The following RAB18 variants were observed in gnomAD, a reference collection of about 807,000 sequenced individuals.
RAB18 encodes ras-related protein Rab-18.
RAB18 carries 10 observed loss-of-function variants against 28.5 expected under a neutral mutation model. The observed-to-expected ratio is 0.35, with a 90% confidence interval of 0.22 to 0.60. The LOEUF is 0.60. Among genes scored for constraint, RAB18 ranks in the 20% least tolerant of loss-of-function variants. RAB18 has a pLI of 0.78. For synonymous variants in RAB18, 93 were observed against 86.9 expected, an observed-to-expected ratio of 1.07 and a Z score of -0.39; for missense variants, 188 against 244.2, an observed-to-expected ratio of 0.77 and a Z score of 1.53.
chr10:27,508,443 A>AAC lies in RAB18; in HGVS notation c.69-1432_69-1431insAC, dbSNP rs55653119. ...TACAACTAGTCTACAAGGTAATCTT[A>AAC]TGTTTTTGTAGTAATATTTTCTGTG... On this transcript the variant is annotated intron_variant, in intron 1 of 6. Transcript: ENST00000356940. Among the ~76,000 whole-genome samples, 101 of 151,788 alleles carry AAC rather than the reference A, an allele frequency of 6.7e-4. No individual in the cohort carries two copies. In the Middle Eastern group the frequency reaches 0.01, roughly 15 times the overall value.
At chr10:27,531,231 AGT>A (rs1450807169) in intron 3 of RAB18, among the ~76,000 whole-genome samples, 3 of 151,976 alleles carry the variant, frequency 2.0e-5, no homozygotes, top group East Asian at 1.9e-4. Flanking sequence ...AATTTATGTA[AGT>A]GTATCTGTGG....
At chr10:27,536,061 G>C (rs376259195) in intron 6 of RAB18, among the ~76,000 whole-genome samples, 1 of 141,390 alleles carries the variant, frequency 7.1e-6, no homozygotes, top group African/African-American at 2.6e-5. Flanking sequence ...CAGCCTGGGC[G>C]ACAGAGCGAG....
intron 2 of RAB18, among the ~76,000 whole-genome samples, chr10:27,521,155 G>T (rs1164771884): frequency 6.6e-6 from 1 of 151,706 alleles, no homozygotes; most frequent in African/African-American, 2.4e-5. Flanking sequence ...CAGAAAAATG[G>T]TTTGCATGAT....
intron 3 of RAB18, 92 bp downstream of exon 3, chr10:27,526,981 T>C: frequency 7.7e-7 from 1 of 1,299,732 alleles, no homozygotes; most frequent in Non-Finnish European, 1.1e-6. Context: ...AGGTGGTGAA[T>C]GAACAATTTG....
intron 2 of RAB18, among the ~76,000 whole-genome samples, chr10:27,523,248 T>C (rs546483083): frequency 6.9e-6 from 1 of 145,538 alleles, no homozygotes; most frequent in East Asian, 2.0e-4. Context: ...TTATGATGTC[T>C]CCGAGTTTTT....
chr10:27,504,484 GCC>G, intron 1 of RAB18, 47 bp downstream of exon 1: 1 of 1,542,410 alleles, frequency 6.5e-7, no homozygotes, highest in Non-Finnish European at 8.8e-7. Flanking sequence ...GGCTCTTTCT[GCC>G]CCGGTGGCTG....
intron 3 of RAB18, among the ~76,000 whole-genome samples, chr10:27,528,132 G>C (rs1237201890): frequency 6.6e-6 from 1 of 152,042 alleles, no homozygotes; most frequent in South Asian, 2.1e-4. Context: ...TTCCGGCCTT[G>C]CTGCTGCTTT....
In RAB18 at chr10:27,537,938, A is replaced by C. The variant is rs144034484; in HGVS notation, c.508A>C (p.Ile170Leu). 2.5e-6 allele frequency: 4 copies of C among 1,614,020 alleles called. No homozygotes were observed. In the African/African-American group the frequency reaches 5.3e-5, roughly 22 times the overall value. Reference protein sequence around the residue: ...CAFEELVEKIIQTPGLWESEN... With the variant: ...CAFEELVEKILQTPGLWESEN... ...CTTTGAAGAACTTGTTGAAAAGATCATTCAGACCCCTGGACTGTGGGAAAG... is the reference window on the plus strand; with the variant it reads ...CTTTGAAGAACTTGTTGAAAAGATCCTTCAGACCCCTGGACTGTGGGAAAG... The change falls in exon 7 of 7, where the codon ATT becomes CTT. Residue 170 changes from isoleucine to leucine, a missense_variant. By Grantham distance (5) the Ile-to-Leu change is conservative. Transcript: ENST00000356940.
chr10:27,540,612 T>A lies in RAB18; in HGVS notation c.*2561T>A, dbSNP rs1454469820. ...AGTAGGTGGTCTTATTTCTTTCACC[T>A]GCTCAGAGTGGACTGAAAATCCTGA... On this transcript the variant is annotated 3_prime_UTR_variant, in exon 7 of 7. Coordinates refer to ENST00000356940, the MANE Select transcript of RAB18 (RefSeq NM_021252.5). The A allele has an allele frequency of 2.2e-6, 1 of 454,024 alleles. No homozygotes were observed. Among genetic ancestry groups the A allele is most frequent in the Non-Finnish European group, 4.4e-6 (1 of 226,788 alleles). The allele number at this position is 454,024 out of a possible 1,614,324, so 28.1% of individuals were successfully genotyped here.
At chr10:27,528,210 T>G in intron 3 of RAB18, 2 of 421,966 alleles carry the variant, frequency 4.7e-6, no homozygotes, top group Middle Eastern at 5.5e-4. Flanking sequence ...TCTCATAGTT[T>G]CGTTTTGTTT....
intron 1 of RAB18, among the ~76,000 whole-genome samples, chr10:27,507,207 G>T (rs1381909237): frequency 1.3e-5 from 2 of 151,768 alleles, no homozygotes; most frequent in East Asian, 3.9e-4. Flanking sequence ...TTGTGCTGTT[G>T]GGGAAAACAA....
intron 1 of RAB18, chr10:27,504,982 G>T (rs1340802350): frequency 1.9e-6 from 1 of 533,464 alleles, no homozygotes; most frequent in East Asian, 5.4e-5. Flanking sequence ...TTATTAGTCG[G>T]CTGTGAAAGA....
At chr10:27,535,785 G>A (rs1050238824) in intron 6 of RAB18, among the ~76,000 whole-genome samples, 3 of 152,028 alleles carry the variant, frequency 2.0e-5, no homozygotes, top group Non-Finnish European at 2.9e-5. Flanking sequence ...GGGTATGGAG[G>A]ATAATTAAAA....
rs1589577355 is a variant in RAB18 at position 27,524,612 on chromosome 10, A to G, written c.125-2216A>G. ...ATTAAAAATGCAAACACAAATGAACAAGGAAAAGCTGAGATGACAGTTCTT... is the reference window on the plus strand; with the variant it reads ...ATTAAAAATGCAAACACAAATGAACGAGGAAAAGCTGAGATGACAGTTCTT... On this transcript the variant is annotated intron_variant, in intron 2 of 6. Coordinates refer to ENST00000356940, the MANE Select transcript of RAB18 (RefSeq NM_021252.5). Among the ~76,000 whole-genome samples, 4 of 152,258 alleles carry G rather than the reference A, an allele frequency of 2.6e-5. No homozygotes were observed. The South Asian group carries it at 8.3e-4, about 31-fold the overall frequency.
chr10:27,504,967 C>T (rs767407486), intron 1 of RAB18: 3 of 527,632 alleles, frequency 5.7e-6, no homozygotes, highest in Middle Eastern at 6.4e-4. Flanking sequence ...GATTCTTTTA[C>T]TTTTTTATTA....
intron 1 of RAB18, chr10:27,504,947 G>A (rs1444696473): frequency 1.9e-6 from 1 of 533,236 alleles, no homozygotes; most frequent in Admixed American, 1.9e-5. Flanking sequence ...TTTGGGCGCA[G>A]CTTAATGTCG....
intron 6 of RAB18, among the ~76,000 whole-genome samples, chr10:27,536,006 C>T (rs1834888822): frequency 6.7e-6 from 1 of 149,112 alleles, no homozygotes; most frequent in Non-Finnish European, 1.5e-5. Context: ...TTGCTTGAAC[C>T]TGGGAGGCGG....
intron 3 of RAB18, among the ~76,000 whole-genome samples, chr10:27,530,580 G>A (rs185729693): frequency 1.3e-3 from 202 of 151,890 alleles, no homozygotes; most frequent in African/African-American, 4.4e-3. Flanking sequence ...GCTAGGATAC[G>A]TTCTCATAAT....
At chr10:27,527,576 G>A (rs980602485) in intron 3 of RAB18, among the ~76,000 whole-genome samples, 6 of 24,674 alleles carry the variant, frequency 2.4e-4, no homozygotes, top group East Asian at 2.4e-3. Context: ...AAATATGATC[G>A]GTTATATATA....
Sources: gnomAD v4.1 joint callset for allele counts (sites outside exome capture counted in the v4.1 genomes callset) on GRCh38, gnomAD v4.1.1 for gene constraint, MANE v1.5 for transcripts, NCBI Gene and HGNC (gene_info 2026-07-23, HGNC 2026-07-21) for gene names.